PTCHD1: variants seen among roughly 807,000 people sequenced by gnomAD.
PTCHD1 encodes the protein patched domain-containing protein 1.
In PTCHD1, 3 loss-of-function variants were observed where a neutral mutation model predicts 34.6. The observed-to-expected ratio is 0.09, with a 90% CI of 0.04 to 0.22. The LOEUF (loss-of-function observed/expected upper bound fraction) is 0.22. Ranked by LOEUF, PTCHD1 falls within the 10% of genes least tolerant of loss-of-function variation. PTCHD1 has a pLI of 1.00. For missense variants in PTCHD1, 504 were observed against 685.5 expected, an observed-to-expected ratio of 0.74 and a Z score of 2.96; for synonymous variants, 305 against 283.1, an observed-to-expected ratio of 1.08 and a Z score of -0.77.
chrX:23,355,689 C>T (rs866222054), intron 1 of PTCHD1, among the ~76,000 whole-genome samples: 1 of 112,455 alleles, frequency 8.9e-6, no homozygotes, highest in South Asian at 3.7e-4. Context: ...TCATCCATTG[C>T]TTAAGTGAAC....
In PTCHD1 at chrX:23,400,493, A is replaced by G. The variant is rs778470290; in HGVS notation, c.*6308A>G. 2.2e-4 allele frequency: 25 copies of G among 112,700 alleles called. No homozygotes were observed. Among genetic ancestry groups the G allele is most frequent in the African/African-American group, 8.1e-4 (25 of 31,045 alleles). 9.3% of individuals were successfully genotyped at this position (112,700 alleles called of 1,213,427 possible). A position where few individuals can be genotyped will look rare whatever the true frequency, so the allele number is the denominator to read the frequency against. ...CTTCGTCTCAAAAAAATAAAGGACA[A>G]GTGTGTTTTATACACAAATATGCAG... On this transcript the variant is annotated 3_prime_UTR_variant, in exon 3 of 3. Transcript: ENST00000379361.
intron 1 of PTCHD1, among the ~76,000 whole-genome samples, chrX:23,367,587 C>G (rs1235002320): frequency 1.8e-5 from 2 of 111,108 alleles, no homozygotes; most frequent in African/African-American, 3.3e-5. Flanking sequence ...TGGATGCACT[C>G]CACCTCTAAA....
At chrX:23,391,719 G>A (rs1488202837) in intron 2 of PTCHD1, among the ~76,000 whole-genome samples, 1 of 111,857 alleles carries the variant, frequency 8.9e-6, no homozygotes, top group African/African-American at 3.3e-5. Flanking sequence ...CCCCTAGCCA[G>A]ACTTGTGGGG....
intron 1 of PTCHD1, among the ~76,000 whole-genome samples, chrX:23,343,551 C>T (rs1487254562): frequency 8.9e-6 from 1 of 112,368 alleles, no homozygotes; most frequent in African/African-American, 3.2e-5. Context: ...AAGTGGTTTT[C>T]CTGACCATAG....
chrX:23,389,612 A>G (rs747639839), intron 2 of PTCHD1, among the ~76,000 whole-genome samples: 34 of 112,130 alleles, frequency 3.0e-4, no homozygotes, highest in African/African-American at 8.7e-4. Context: ...CTTTGGAGGC[A>G]AAGTCAGGCA....
chrX:23,393,408 C>A lies in PTCHD1; in HGVS notation c.1890C>A (p.Ile630=). ...AATTTTCACATTTTCAAGAGGACAT[C>A]ATCTTCTCTAAAAAATACAATGATG... ...APQFSHFQED[I]IFSKKYNDEV... is the part of the protein sequence containing the mutation. Residue 630 remains isoleucine, a synonymous_variant, in exon 3 of 3, where the codon ATC becomes ATA. Coordinates refer to ENST00000379361, the MANE Select transcript of PTCHD1 (RefSeq NM_173495.3). 1.7e-6 allele frequency: 2 copies of A among 1,210,912 alleles called. No homozygotes were observed. The highest frequency in any genetic ancestry group is 2.2e-6 in the Non-Finnish European group (2 of 894,674).
chrX:23,394,177 A>T lies in PTCHD1; in HGVS notation c.2659A>T (p.Thr887Ser). The change falls in exon 3 of 3, where the codon ACA (threonine) becomes TCA (serine). Residue 887 changes from threonine (T) to serine (S), a missense_variant. Coordinates refer to ENST00000379361, the MANE Select transcript of PTCHD1 (RefSeq NM_173495.3). ...DSTRVVDQIT[T>S]V ...TACCCGTGTGGTTGACCAAATTACA[A>T]CAGTGTGATAATGTCTGCTTGGCAT... 6 of 1,186,312 alleles carry T rather than the reference A, an allele frequency of 5.1e-6. No homozygotes were observed. In the South Asian group the frequency reaches 8.9e-5, roughly 18 times the overall value.
chrX:23,393,365 C>T lies in PTCHD1; in HGVS notation c.1847C>T (p.Ser616Phe). Residue 616 changes from serine (S) to phenylalanine (F), a missense_variant, in exon 3 of 3, where the codon TCC becomes TTC. Transcript: ENST00000379361. ...AATTTCACAGACATGTTGAGGAATTCCTTTCTGAAAGCCCCTCAATTTTCA... is the reference window on the plus strand; with the variant it reads ...AATTTCACAGACATGTTGAGGAATTTCTTTCTGAAAGCCCCTCAATTTTCA... ...KKNFTDMLRNSFLKAPQFSHF... is the reference protein window; with the variant it reads ...KKNFTDMLRNFFLKAPQFSHF... 8.3e-7 allele frequency: 1 copy of T among 1,209,370 alleles called. No individual in the cohort carries two copies. Among genetic ancestry groups the T allele is most frequent in the Non-Finnish European group, 1.1e-6 (1 of 893,233 alleles).
intron 2 of PTCHD1, among the ~76,000 whole-genome samples, chrX:23,384,180 G>C (rs1395540870): frequency 8.9e-5 from 10 of 112,444 alleles, no homozygotes; most frequent in African/African-American, 2.9e-4. Flanking sequence ...CTAAAAAGGA[G>C]AATTGAAGTC....
chrX:23,386,601 T>G (rs987880013), intron 2 of PTCHD1, among the ~76,000 whole-genome samples: 32 of 112,491 alleles, frequency 2.8e-4, no homozygotes, highest in African/African-American at 8.7e-4. Context: ...TTTAAATTTC[T>G]TCTCAAAAAC....
At chrX:23,389,772 T>C (rs1922783485) in intron 2 of PTCHD1, among the ~76,000 whole-genome samples, 1 of 111,597 alleles carries the variant, frequency 9.0e-6, no homozygotes, top group Admixed American at 9.5e-5. Context: ...AGAAGAAAAT[T>C]AGAATTCTCT....
Position 23,399,311 on chromosome X carries a change from C to G in PTCHD1, c.*5126C>G, listed in dbSNP as rs1416824680. 3 of 111,887 alleles carry G rather than the reference C, an allele frequency of 2.7e-5. No individual in the cohort carries two copies. Among genetic ancestry groups the G allele is most frequent in the Non-Finnish European group, 3.8e-5 (2 of 53,196 alleles). 9.2% of individuals were successfully genotyped at this position (111,887 alleles called of 1,213,427 possible). A position where few individuals can be genotyped will look rare whatever the true frequency, so the allele number is the denominator to read the frequency against. On this transcript the variant is annotated 3_prime_UTR_variant, in exon 3 of 3. Coordinates refer to ENST00000379361, the MANE Select transcript of PTCHD1 (RefSeq NM_173495.3). ...CATTTTGCCACTTTACTGCCAAATT[C>G]TATTCATCTAAATTATTGGGGTCTT...
chrX:23,359,389 T>A (rs1426207064), intron 1 of PTCHD1, among the ~76,000 whole-genome samples: 2 of 111,826 alleles, frequency 1.8e-5, no homozygotes, highest in Non-Finnish European at 3.8e-5. Context: ...GATTCCTAGG[T>A]GTTTTATTCT....
intron 2 of PTCHD1, among the ~76,000 whole-genome samples, chrX:23,386,467 G>T (rs1922689113): frequency 8.9e-6 from 1 of 111,850 alleles, no homozygotes; most frequent in Admixed American, 9.5e-5. Context: ...GACAAAACAG[G>T]CTGCAATAAA....
At chrX:23,337,502 G>A (rs1343639245) in intron 1 of PTCHD1, among the ~76,000 whole-genome samples, 1 of 111,052 alleles carries the variant, frequency 9.0e-6, no homozygotes, top group Non-Finnish European at 1.9e-5. Context: ...GTAATGTAAA[G>A]TGTGGGAGTG....
At chrX:23,384,377 C>T (rs896931474) in intron 2 of PTCHD1, among the ~76,000 whole-genome samples, 6 of 112,009 alleles carry the variant, frequency 5.4e-5, no homozygotes, top group Admixed American at 4.7e-4. Context: ...TTTGAATTAT[C>T]CAACCAGGCC....
At chrX:23,366,237 C>T (rs746415074) in intron 1 of PTCHD1, among the ~76,000 whole-genome samples, 17 of 112,035 alleles carry the variant, frequency 1.5e-4, no homozygotes, top group Non-Finnish European at 2.6e-4. Context: ...CCTGGTTACA[C>T]TCTTCATCCT....
chrX:23,351,481 C>T, intron 1 of PTCHD1: 1 of 481,813 alleles, frequency 2.1e-6, no homozygotes, highest in South Asian at 3.1e-5. Flanking sequence ...TTAATGGATT[C>T]TGAAATTTGT....
At chrX:23,383,222 C>T (rs192573695) in intron 2 of PTCHD1, among the ~76,000 whole-genome samples, 1 of 111,959 alleles carries the variant, frequency 8.9e-6, no homozygotes. Context: ...TATATAAATA[C>T]AATATCAAAT....
Sources: allele counts gnomAD v4.1 joint callset (sites outside exome capture counted in the v4.1 genomes callset), GRCh38; gene constraint gnomAD v4.1.1; transcripts MANE v1.5; gene names NCBI Gene and HGNC (gene_info 2026-07-23, HGNC 2026-07-21).